KCNK13: variants seen among roughly 807,000 people sequenced by gnomAD.
KCNK13 encodes potassium two pore domain channel subfamily K member 13, also known as potassium channel subfamily K member 13.
In KCNK13, 12 loss-of-function variants were observed where a neutral mutation model predicts 23.4. The ratio of observed to expected loss-of-function variants is 0.51; its 90% CI spans 0.33 to 0.83. The LOEUF (loss-of-function observed/expected upper bound fraction) is 0.83. Ranked by LOEUF, KCNK13 falls within the 40% of genes least tolerant of loss-of-function variation. KCNK13 has a pLI of 0.02. For missense variants in KCNK13, 463 were observed against 556.3 expected (o/e 0.83, Z 1.69); for synonymous variants, 231 against 229.5 (o/e 1.01, Z -0.06).
chr14:90,104,687 A>G (rs1272847914), intron 1 of KCNK13, among the ~76,000 whole-genome samples: 1 of 145,694 alleles, frequency 6.9e-6, no homozygotes, highest in Non-Finnish European at 1.5e-5. Flanking sequence ...GGGAGACGCC[A>G]TCCTACCCAG....
chr14:90,108,890 C>A (rs1418356477), intron 1 of KCNK13, among the ~76,000 whole-genome samples: 1 of 152,080 alleles, frequency 6.6e-6, no homozygotes, highest in East Asian at 1.9e-4. Flanking sequence ...ACTAAGAATC[C>A]CTTGGGCCAG....
chr14:90,117,637 T>C (rs899439915), intron 1 of KCNK13, among the ~76,000 whole-genome samples: 43 of 152,246 alleles, frequency 2.8e-4, no homozygotes, highest in Middle Eastern at 3.4e-3. Flanking sequence ...TTTCATTTAA[T>C]ATTTTGGACC....
At chr14:90,170,574 A>G (rs973649164) in intron 1 of KCNK13, among the ~76,000 whole-genome samples, 3 of 152,136 alleles carry the variant, frequency 2.0e-5, no homozygotes, top group African/African-American at 7.2e-5. Context: ...AGACAGGTCT[A>G]TGCCTTTCTC....
rs577049441 is a variant in KCNK13 at position 90,184,681 on chromosome 14, G to T, written c.905G>T (p.Cys302Phe). 1 of 1,614,132 alleles carries T rather than the reference G, an allele frequency of 6.2e-7. No homozygotes were observed. Among genetic ancestry groups the T allele is most frequent in the Admixed American group, 1.7e-5 (1 of 60,012 alleles). The change falls in exon 2 of 2, where the codon TGC (cysteine) becomes TTC (phenylalanine). Residue 302 changes from cysteine to phenylalanine, a missense_variant. Transcript: ENST00000282146. The surrounding 1 kb of genome is among the most constrained non-coding windows in gnomAD (Gnocchi z 5.6). ...ATGGACAGCGGGTGCTGCCCGCAAT[G>T]CCAGAGAGGACTCTTGCGATCACGC... Reference protein sequence around the residue: ...RKMDSGCCPQCQRGLLRSRRN... With the variant: ...RKMDSGCCPQFQRGLLRSRRN...
At chr14:90,159,856 T>C (rs1191062423) in intron 1 of KCNK13, among the ~76,000 whole-genome samples, 2 of 152,132 alleles carry the variant, frequency 1.3e-5, no homozygotes, top group Non-Finnish European at 2.9e-5. Context: ...TCTAGATGGG[T>C]GTCCTTGGGT....
intron 1 of KCNK13, among the ~76,000 whole-genome samples, chr14:90,178,411 C>T (rs1360263764): frequency 6.6e-6 from 1 of 152,044 alleles, no homozygotes; most frequent in Admixed American, 6.6e-5. Flanking sequence ...CCTGCCTCAG[C>T]CTCCGGAGTA....
chr14:90,140,875 T>C (rs1020447445), intron 1 of KCNK13, among the ~76,000 whole-genome samples: 3 of 152,228 alleles, frequency 2.0e-5, no homozygotes, highest in African/African-American at 2.4e-5. Flanking sequence ...AAGTAAATGA[T>C]GGCAACTTAA....
chr14:90,070,204 G>A (rs927949661), intron 1 of KCNK13, among the ~76,000 whole-genome samples: 1 of 152,192 alleles, frequency 6.6e-6, no homozygotes. Context: ...AAATTTGGGG[G>A]AAAGGTGTAT....
chr14:90,184,109 A>G lies in KCNK13; in HGVS notation c.335-2A>G. On this transcript the variant is annotated splice_acceptor_variant, in intron 1 of 1. Transcript: ENST00000282146. LOFTEE classifies it high-confidence loss of function. This position sits in a 1 kb window ranked among gnomAD's most constrained non-coding sequence, Gnocchi z 5.6. Reference sequence around the variant, plus strand: ...CTCTTCTCTCATTTTTCTCTCCTGCAGGGTTTGGGATGACAACTCCGGCGA... The same window carrying G: ...CTCTTCTCTCATTTTTCTCTCCTGCGGGGTTTGGGATGACAACTCCGGCGA... 2 of 1,609,892 alleles carry G rather than the reference A, an allele frequency of 1.2e-6. No homozygotes were observed. Among genetic ancestry groups the G allele is most frequent in the Non-Finnish European group, 1.7e-6 (2 of 1,177,130 alleles).
In KCNK13 at chr14:90,099,090, A is replaced by T. The variant is rs1339545084; in HGVS notation, c.334+36551A>T. ...ACTCTGTCTCTATAAAAAAATTTTT[A>T]AAAATTAAAAAAAAAAATCACCTAT... On this transcript the variant is annotated intron_variant, in intron 1 of 1. Transcript: ENST00000282146. Among the ~76,000 whole-genome samples, 5 of 147,498 alleles carry T rather than the reference A, an allele frequency of 3.4e-5. No individual in the cohort carries two copies. In the East Asian group the frequency reaches 6.3e-4, roughly 19 times the overall value.
At chr14:90,147,559 C>T (rs1890087843) in intron 1 of KCNK13, among the ~76,000 whole-genome samples, 1 of 151,762 alleles carries the variant, frequency 6.6e-6, no homozygotes, top group Admixed American at 6.6e-5. Context: ...TGTCACTTGC[C>T]TTTTTTAATG....
chr14:90,110,694 C>A (rs1889605875), intron 1 of KCNK13, among the ~76,000 whole-genome samples: 1 of 151,896 alleles, frequency 6.6e-6, no homozygotes, highest in Non-Finnish European at 1.5e-5. Context: ...ACTATTGAAT[C>A]TTCTGGGGTA....
intron 1 of KCNK13, among the ~76,000 whole-genome samples, chr14:90,170,202 G>T (rs1447619778): frequency 6.6e-6 from 1 of 151,844 alleles, no homozygotes; most frequent in Admixed American, 6.6e-5. Flanking sequence ...AAAATTACAA[G>T]CCTCAATCAT....
chr14:90,172,865 T>G (rs1359688424), intron 1 of KCNK13, among the ~76,000 whole-genome samples: 2 of 152,182 alleles, frequency 1.3e-5, no homozygotes, highest in Non-Finnish European at 2.9e-5. Context: ...GAAATAATTT[T>G]CAATCAGAGA....
chr14:90,139,503 AGTTCTTTCCTTTTGTACAGCGTG>A (rs71117321), intron 1 of KCNK13, among the ~76,000 whole-genome samples: 43,496 of 151,772 alleles, frequency 0.29, 6,846 homozygotes, highest in Non-Finnish European at 0.37. Context: ...GAGGAGGTGG[AGTTCTTTCCTTTTGTACAGCGTG>A]GTGCCGTTGA....
At chr14:90,134,093 T>C (rs1369793595) in intron 1 of KCNK13, among the ~76,000 whole-genome samples, 1 of 152,144 alleles carries the variant, frequency 6.6e-6, no homozygotes, top group African/African-American at 2.4e-5. Flanking sequence ...AGACTCCTGC[T>C]TGTGGTCCCA....
In KCNK13 at chr14:90,184,859, C is replaced by T; in HGVS notation, c.1083C>T (p.Ala361=). ...DLLAANKASL[A]ILQKQLSEMA... Reference sequence around the variant, plus strand: ...TGGCAGCCAACAAGGCCTCGTTGGCCATCCTGCAGAAGCAACTGTCTGAGA... The same window carrying T: ...TGGCAGCCAACAAGGCCTCGTTGGCTATCCTGCAGAAGCAACTGTCTGAGA... The change falls in exon 2 of 2, where the codon GCC becomes GCT. Residue 361 remains alanine (A), a synonymous_variant. Coordinates refer to ENST00000282146, the MANE Select transcript of KCNK13 (RefSeq NM_022054.4). The surrounding 1 kb of genome is among the most constrained non-coding windows in gnomAD (Gnocchi z 5.6). 2.5e-6 allele frequency: 4 copies of T among 1,613,800 alleles called. No individual in the cohort carries two copies. Among genetic ancestry groups the T allele is most frequent in the Non-Finnish European group, 3.4e-6 (4 of 1,179,954 alleles).
At chr14:90,122,842 A>G (rs1036242176) in intron 1 of KCNK13, among the ~76,000 whole-genome samples, 2 of 152,182 alleles carry the variant, frequency 1.3e-5, no homozygotes, top group Admixed American at 1.3e-4. Flanking sequence ...TTCAATACGC[A>G]CCTAATAAGC....
intron 1 of KCNK13, among the ~76,000 whole-genome samples, chr14:90,073,630 A>T (rs1384532096): frequency 6.6e-6 from 1 of 152,084 alleles, no homozygotes; most frequent in Non-Finnish European, 1.5e-5. Flanking sequence ...GGGCTGCCTC[A>T]AGGGCCAAGA....
Sources: gnomAD v4.1 joint callset for allele counts (sites outside exome capture counted in the v4.1 genomes callset) on GRCh38, gnomAD v4.1.1 for gene constraint, Gnocchi (gnomAD v3.1) non-coding constraint, MANE v1.5 for transcripts, NCBI Gene and HGNC (gene_info 2026-07-23, HGNC 2026-07-21) for gene names.